Variants in FOXP1 observed in about 807,000 individuals in gnomAD.
The protein encoded by FOXP1 is forkhead box P1.
Under a neutral mutation model 98.2 loss-of-function variants are expected in FOXP1, and 15 were observed. That is an observed-to-expected ratio of 0.15 (90% CI 0.10 to 0.24). FOXP1 has a LOEUF of 0.24. FOXP1 is among the 10% of genes least tolerant of loss of function. The pLI is 1.00. For missense variants in FOXP1, 633 were observed against 848.5 expected, an observed-to-expected ratio of 0.75 and a Z score of 3.15; for synonymous variants, 371 against 314.5, an observed-to-expected ratio of 1.18 and a Z score of -1.90.
At chr3:71,230,114 T>TG (rs1325181767) in intron 5 of FOXP1, among the ~76,000 whole-genome samples, 54 of 24,492 alleles carry the variant, frequency 2.2e-3, no homozygotes, top group African/African-American at 5.5e-3. Context: ...CAGACACCAC[T>TG]GGGGAGGGGT....
At chr3:71,186,332 G>T (rs1213796965) in intron 6 of FOXP1, among the ~76,000 whole-genome samples, 1 of 152,196 alleles carries the variant, frequency 6.6e-6, no homozygotes, top group African/African-American at 2.4e-5. Context: ...GCTGTCAGCT[G>T]AATGATTAGA....
intron 5 of FOXP1, among the ~76,000 whole-genome samples, chr3:71,282,048 G>A (rs1209993144): frequency 6.6e-6 from 1 of 152,024 alleles, no homozygotes; most frequent in African/African-American, 2.4e-5. Flanking sequence ...GGCGGAGGGT[G>A]CAGTGAGCTG....
At chr3:71,220,631 T>C (rs1428897244) in intron 5 of FOXP1, among the ~76,000 whole-genome samples, 1 of 151,548 alleles carries the variant, frequency 6.6e-6, no homozygotes, top group East Asian at 1.9e-4. Context: ...TGCACGCCTG[T>C]AGTCCCAACT....
At chr3:71,370,707 C>A (rs923062731) in intron 3 of FOXP1, among the ~76,000 whole-genome samples, 1 of 151,980 alleles carries the variant, frequency 6.6e-6, no homozygotes, top group Non-Finnish European at 1.5e-5. Context: ...CACCCTATAA[C>A]GGGCTTCTCA....
At chr3:71,556,380 A>G (rs972927057) in intron 2 of FOXP1, among the ~76,000 whole-genome samples, 21 of 152,114 alleles carry the variant, frequency 1.4e-4, no homozygotes, top group African/African-American at 4.6e-4. Flanking sequence ...GATCGAGACC[A>G]TCCTGGCTAA....
intron 2 of FOXP1, among the ~76,000 whole-genome samples, chr3:71,547,679 T>A (rs1468939475): frequency 1.3e-5 from 2 of 152,194 alleles, no homozygotes; most frequent in Non-Finnish European, 2.9e-5. Context: ...AGAGAATTAG[T>A]CCTGGCACAA....
At chr3:71,475,207 C>T (rs1036203394) in intron 3 of FOXP1, among the ~76,000 whole-genome samples, 4 of 152,112 alleles carry the variant, frequency 2.6e-5, no homozygotes, top group Non-Finnish European at 5.9e-5. Context: ...ATGCTAACCC[C>T]ATGCCGTCCT....
At chr3:71,559,563 G>A (rs2046386273) in intron 2 of FOXP1, among the ~76,000 whole-genome samples, 1 of 152,216 alleles carries the variant, frequency 6.6e-6, no homozygotes, top group Non-Finnish European at 1.5e-5. Flanking sequence ...CTGGACCAGG[G>A]CTGGGGATGG....
At chr3:71,219,539 A>T (rs2065198413) in intron 5 of FOXP1, among the ~76,000 whole-genome samples, 1 of 152,234 alleles carries the variant, frequency 6.6e-6, no homozygotes, top group Non-Finnish European at 1.5e-5. Context: ...AAGTTTTATG[A>T]AATCGAAATA....
In FOXP1 at chr3:70,958,802, G is replaced by A. The variant is rs2032501613; in HGVS notation, c.*445C>T. The A allele has an allele frequency of 3.3e-6, 1 of 300,600 alleles. No homozygotes were observed. Among genetic ancestry groups the A allele is most frequent in the Non-Finnish European group, 6.1e-6 (1 of 164,022 alleles). The allele number at this position is 300,600 out of a possible 1,614,324, so 18.6% of individuals were successfully genotyped here. ...GCAGTGATAATCAACATGCAGTACT[G>A]TGCAAATAGGTCGTCCATTGGAATC... On this transcript the variant is annotated 3_prime_UTR_variant, in exon 21 of 21. Transcript: ENST00000649528.
intron 4 of FOXP1, among the ~76,000 whole-genome samples, chr3:71,316,911 C>T (rs1349190457): frequency 1.3e-5 from 2 of 152,130 alleles, no homozygotes; most frequent in African/African-American, 4.8e-5. Context: ...CCACCTCAGC[C>T]TCCCAAAGTG....
At chr3:71,454,000 A>T (rs547646423) in intron 3 of FOXP1, among the ~76,000 whole-genome samples, 79 of 152,288 alleles carry the variant, frequency 5.2e-4, no homozygotes, top group Non-Finnish European at 1.0e-3. Context: ...ATTTCCACCA[A>T]ACCACCTCTT....
rs567565209 is a variant in FOXP1, at chr3:71,094,545, C to G, written c.282+17991G>C. Among the ~76,000 whole-genome samples the G allele has an allele frequency of 6.4e-4, 98 of 152,284 alleles. 1 individual carries two copies. The highest frequency in any genetic ancestry group is 2.3e-3 in the African/African-American group (96 of 41,554). On this transcript the variant is annotated intron_variant, in intron 7 of 20. Transcript: ENST00000649528. ...TCTTGGCTCCTCAGTACTATAGAAA[C>G]AAGCTTCGGGGTTTGGCCCATGGGT...
In FOXP1 at chr3:71,488,579, A is replaced by G. The variant is rs111864580; in HGVS notation, c.-168+4847T>C. Among the ~76,000 whole-genome samples the G allele has an allele frequency of 5.1e-3, 780 of 152,390 alleles. 8 individuals carry two copies. The highest frequency in any genetic ancestry group is 0.018 in the African/African-American group (744 of 41,596). ...TAATTTCTGATCTTCATCAAGCCAG[A>G]CAATGGTTTCCACCTTGGCCCCTAG... On this transcript the variant is annotated intron_variant, in intron 3 of 20. Transcript: ENST00000649528.
chr3:71,565,821 C>T (rs1041818505), intron 2 of FOXP1, among the ~76,000 whole-genome samples: 2 of 152,136 alleles, frequency 1.3e-5, no homozygotes, highest in Non-Finnish European at 2.9e-5. Flanking sequence ...GAATGCCCAA[C>T]TGAGGATGTC....
chr3:71,073,845 C>G (rs1162511567), intron 7 of FOXP1, among the ~76,000 whole-genome samples: 1 of 152,172 alleles, frequency 6.6e-6, no homozygotes, highest in Non-Finnish European at 1.5e-5. Flanking sequence ...TGACTGTGTC[C>G]TCCAGGGCTC....
Position 70,983,726 on chromosome 3 carries a change from G to T in FOXP1, c.1146+4268C>A, listed in dbSNP as rs59862425. Reference sequence around the variant, plus strand: ...CCCTAAAGCAAAGCGTTCTTCTCATGTACTCAGTATTATAAAATACGATTT... The same window carrying T: ...CCCTAAAGCAAAGCGTTCTTCTCATTTACTCAGTATTATAAAATACGATTT... On this transcript the variant is annotated intron_variant, in intron 14 of 20. Coordinates refer to ENST00000649528, the MANE Select transcript of FOXP1 (RefSeq NM_001349338.3). Among the ~76,000 whole-genome samples, 447 of 152,312 alleles carry T rather than the reference G, an allele frequency of 2.9e-3. 10 individuals are homozygous for T. In the East Asian group the frequency reaches 0.056, roughly 19 times the overall value.
At chr3:71,547,385 G>C (rs770372272) in intron 2 of FOXP1, among the ~76,000 whole-genome samples, 1 of 152,200 alleles carries the variant, frequency 6.6e-6, no homozygotes, top group Non-Finnish European at 1.5e-5. Flanking sequence ...GGGCTTGGCA[G>C]GTAAACAACC....
intron 3 of FOXP1, among the ~76,000 whole-genome samples, chr3:71,490,376 C>T (rs1432211195): frequency 6.6e-6 from 1 of 152,014 alleles, no homozygotes; most frequent in Non-Finnish European, 1.5e-5. Flanking sequence ...TGGGCACCTG[C>T]AATCCCAGCT....
Sources: gnomAD v4.1 joint callset for allele counts (sites outside exome capture counted in the v4.1 genomes callset) on GRCh38, gnomAD v4.1.1 for gene constraint, MANE v1.5 for transcripts, NCBI Gene and HGNC (gene_info 2026-07-23, HGNC 2026-07-21) for gene names.